IFNAR2: variants seen among roughly 807,000 people sequenced by gnomAD.
IFNAR2 encodes interferon alpha and beta receptor subunit 2, also known as interferon alpha/beta receptor 2.
In IFNAR2, 30 loss-of-function variants were observed where a neutral mutation model predicts 49.4. That is an observed-to-expected ratio of 0.61 (90% CI 0.45 to 0.82). IFNAR2 has a LOEUF of 0.82. Among genes scored for constraint, IFNAR2 ranks in the 40% least tolerant of loss-of-function variants. IFNAR2 has a pLI of 0.00. For missense variants in IFNAR2, 600 were observed against 622.7 expected (o/e 0.96, Z 0.39); for synonymous variants, 224 against 234.5 (o/e 0.96, Z 0.41).
At chr21:33,236,688 G>T in intron 1 of IFNAR2, 1 of 985,448 alleles carries the variant, frequency 1.0e-6, no homozygotes, top group Non-Finnish European at 1.2e-6. Context: ...GGATTCCTCT[G>T]CTGGGAGCCT....
intron 1 of IFNAR2, among the ~76,000 whole-genome samples, chr21:33,237,080 T>TGGGTGTGTGTGTGG (rs200245398): frequency 1.1e-5 from 1 of 90,810 alleles, no homozygotes; most frequent in South Asian, 3.0e-4. Flanking sequence ...GAGAATGGGG[T>TGGGTGTGTGTGTGG]GTGTGTGTGT....
rs1985986990 is a variant in IFNAR2 at position 33,230,640 on chromosome 21, G to C, written c.-84+424G>C. 2.6e-5 allele frequency: 12 copies of C among 468,222 alleles called. No individual in the cohort carries two copies. Among genetic ancestry groups the C allele is most frequent in the South Asian group, 1.9e-4 (12 of 64,236 alleles). The allele number at this position is 468,222 out of a possible 1,614,324, so 29.0% of individuals were successfully genotyped here. Reference sequence around the variant, plus strand: ...ACCGGCTCACCAGCTGGGTGCTCAGGTTCGGGATCTCCAGCCCGCCCCCTT... The same window carrying C: ...ACCGGCTCACCAGCTGGGTGCTCAGCTTCGGGATCTCCAGCCCGCCCCCTT... On this transcript the variant is annotated intron_variant, in intron 1 of 8. Coordinates refer to ENST00000342136, the MANE Select transcript of IFNAR2 (RefSeq NM_001289125.3). This position sits in a 1 kb window ranked among gnomAD's most constrained non-coding sequence, Gnocchi z 5.5.
chr21:33,252,868 A>T (rs201974805), intron 7 of IFNAR2, 38 bp downstream of exon 7: 3 of 1,479,416 alleles, frequency 2.0e-6, no homozygotes, highest in Non-Finnish European at 1.9e-6. Flanking sequence ...TTGAGTATTC[A>T]TGCTTTTACT....
rs1392376431 is a variant in IFNAR2 at position 33,234,779 on chromosome 21, C to T, written c.-84+4563C>T. 4.1e-6 allele frequency: 4 copies of T among 982,702 alleles called. No individual in the cohort carries two copies. The African/African-American group carries it at 7.0e-5, about 17-fold the overall frequency. 60.9% of individuals were successfully genotyped at this position (982,702 alleles called of 1,614,324 possible). On this transcript the variant is annotated intron_variant, in intron 1 of 8. Transcript: ENST00000342136. ...AAAATTGGGGTTCAGCCTGGGAAGC[C>T]ACATGAGTTGTTGGCTTCGCACAGG...
intron 3 of IFNAR2, among the ~76,000 whole-genome samples, chr21:33,244,052 C>G (rs1987199790): frequency 6.6e-6 from 1 of 152,166 alleles, no homozygotes; most frequent in African/African-American, 2.4e-5. Context: ...TTACATTCTT[C>G]CACCCTGATG....
At position 33,263,126 on chromosome 21, in the gene IFNAR2, A is replaced by G. The variant is rs748323942; in HGVS notation, c.1174A>G (p.Ser392Gly). ...KDSPQQLELL[S>G]GPCERRKSPL... ...CAGCCCTCAGCAGTTGGAACTCTTGAGTGGGCCCTGTGAGAGGAGAAAGAG... is the reference window on the plus strand; with the variant it reads ...CAGCCCTCAGCAGTTGGAACTCTTGGGTGGGCCCTGTGAGAGGAGAAAGAG... The change falls in exon 9 of 9, where the codon AGT (serine) becomes GGT (glycine). Residue 392 changes from serine (S) to glycine (G), a missense_variant. Coordinates refer to ENST00000342136, the MANE Select transcript of IFNAR2 (RefSeq NM_001289125.3). 5.0e-6 allele frequency: 8 copies of G among 1,614,080 alleles called. No homozygotes were observed. The highest frequency in any genetic ancestry group is 6.8e-6 in the Non-Finnish European group (8 of 1,180,044).
At chr21:33,251,800 T>C in intron 6 of IFNAR2, 1 of 984,246 alleles carries the variant, frequency 1.0e-6, no homozygotes, top group Non-Finnish European at 1.2e-6. Flanking sequence ...TAAAGGGAGA[T>C]GGCTGGGCAC....
At chr21:33,252,591 T>C in intron 6 of IFNAR2, 71 bp from the exon 7 acceptor site, 1 of 1,537,492 alleles carries the variant, frequency 6.5e-7, no homozygotes, top group Non-Finnish European at 8.7e-7. Flanking sequence ...TGAAGACAAA[T>C]CCCAAAAGAG....
chr21:33,261,696 GAAACCTT>G, intron 8 of IFNAR2, among the ~76,000 whole-genome samples: 1 of 152,002 alleles, frequency 6.6e-6, no homozygotes, highest in Admixed American at 6.6e-5. Flanking sequence ...GCAATATAAG[GAAACCTT>G]GTCTTAGAGA....
At chr21:33,234,170 T>A (rs1460168258) in intron 1 of IFNAR2, among the ~76,000 whole-genome samples, 1 of 141,838 alleles carries the variant, frequency 7.1e-6, no homozygotes, top group Non-Finnish European at 1.5e-5. Context: ...CCAAGTAACA[T>A]TAAACAGAAA....
Position 33,246,703 on chromosome 21 carries a change from T to G in IFNAR2, c.222-15T>G. 1.2e-6 allele frequency: 2 copies of G among 1,602,428 alleles called. No homozygotes were observed. The highest frequency in any genetic ancestry group is 1.7e-6 in the Non-Finnish European group (2 of 1,175,082). On this transcript the variant is annotated splice_polypyrimidine_tract_variant and intron_variant, in intron 4 of 8. Transcript: ENST00000342136. ...ATGCTAACAATTTCCTTTTTCCATT[T>G]TTTTCTTTCCAAAGTAAACCAGAAG...
At chr21:33,252,884 G>A in intron 7 of IFNAR2, 54 bp downstream of exon 7, 1 of 1,351,096 alleles carries the variant, frequency 7.4e-7, no homozygotes, top group Middle Eastern at 1.8e-4. Flanking sequence ...TTACTCTGAG[G>A]GCAAGCCTAT....
intron 1 of IFNAR2, among the ~76,000 whole-genome samples, chr21:33,237,334 C>A (rs1235929691): frequency 6.6e-6 from 1 of 151,692 alleles, no homozygotes; most frequent in Admixed American, 6.6e-5. Flanking sequence ...GAGTTCAAGA[C>A]CAGCCTGGAC....
chr21:33,254,888 C>T (rs530708770), intron 7 of IFNAR2, among the ~76,000 whole-genome samples: 1 of 152,324 alleles, frequency 6.6e-6, no homozygotes, highest in East Asian at 1.9e-4. Context: ...TCATATTTGA[C>T]TCAGACTGAA....
chr21:33,249,339 G>A (rs1007493556), intron 6 of IFNAR2, among the ~76,000 whole-genome samples: 21 of 78,336 alleles, frequency 2.7e-4, no homozygotes, highest in African/African-American at 1.0e-3. Flanking sequence ...GCAAGACTCC[G>A]TCTCAAAAAA....
At chr21:33,233,017 T>G (rs1232487364) in intron 1 of IFNAR2, 5 of 769,056 alleles carry the variant, frequency 6.5e-6, no homozygotes, top group Middle Eastern at 6.6e-4. Context: ...AGAAATTCAT[T>G]ACCATTGCCT....
intron 1 of IFNAR2, among the ~76,000 whole-genome samples, chr21:33,236,248 G>T (rs1335846090): frequency 1.3e-5 from 2 of 152,062 alleles, no homozygotes; most frequent in African/African-American, 4.8e-5. Context: ...GGTCCCTGGG[G>T]CCCCTCTGCC....
At chr21:33,251,204 G>A (rs1459885980) in intron 6 of IFNAR2, among the ~76,000 whole-genome samples, 1 of 152,120 alleles carries the variant, frequency 6.6e-6, no homozygotes, top group African/African-American at 2.4e-5. Flanking sequence ...GGAAGAAACA[G>A]CAAAATCGAC....
chr21:33,246,438 C>T (rs896708384), intron 4 of IFNAR2, among the ~76,000 whole-genome samples: 1 of 152,116 alleles, frequency 6.6e-6, no homozygotes, highest in African/African-American at 2.4e-5. Context: ...AGTCCCTGCC[C>T]TCCTGGAGCA....
Sources: allele counts gnomAD v4.1 joint callset (sites outside exome capture counted in the v4.1 genomes callset), GRCh38; gene constraint gnomAD v4.1.1; non-coding constraint Gnocchi (gnomAD v3.1); transcripts MANE v1.5; gene names NCBI Gene and HGNC (gene_info 2026-07-23, HGNC 2026-07-21).